CCDC88C: variants seen among roughly 807,000 people sequenced by gnomAD.
CCDC88C encodes the protein protein Daple.
CCDC88C carries 131 observed loss-of-function variants against 198.8 expected under a neutral mutation model. That is an observed-to-expected ratio of 0.66 (90% CI 0.57 to 0.76). The LOEUF (loss-of-function observed/expected upper bound fraction) is 0.76, where lower values mean the gene tolerates loss of function less well. CCDC88C is among the 30% of genes least tolerant of loss of function. CCDC88C has a pLI of 0.00. For missense variants in CCDC88C, 2,553 were observed against 2,631.6 expected, an observed-to-expected ratio of 0.97 and a Z score of 0.65; for synonymous variants, 1,166 against 1,114.7, an observed-to-expected ratio of 1.05 and a Z score of -0.92.
intron 25 of CCDC88C, among the ~76,000 whole-genome samples, chr14:91,283,781 T>G (rs1890295697): frequency 6.6e-6 from 1 of 152,184 alleles, no homozygotes; most frequent in Non-Finnish European, 1.5e-5. Flanking sequence ...CCTGAGAGGC[T>G]GGGAGGAGAC....
At chr14:91,283,783 G>T (rs1440046830) in intron 25 of CCDC88C, among the ~76,000 whole-genome samples, 2 of 152,178 alleles carry the variant, frequency 1.3e-5, no homozygotes, top group Non-Finnish European at 2.9e-5. Context: ...TGAGAGGCTG[G>T]GAGGAGACAA....
chr14:91,403,805 T>C (rs917790461), intron 3 of CCDC88C, among the ~76,000 whole-genome samples: 3 of 152,088 alleles, frequency 2.0e-5, no homozygotes, highest in Non-Finnish European at 4.4e-5. Context: ...TGGTGCCCAC[T>C]GGTGGTCCCA....
At position 91,289,184 on chromosome 14, in the gene CCDC88C, C is replaced by A. The variant is rs1293341657; in HGVS notation, c.4362G>T (p.Gln1454His). The A allele has an allele frequency of 3.7e-6, 6 of 1,613,842 alleles. No individual in the cohort carries two copies. The highest frequency in any genetic ancestry group is 4.2e-6 in the Non-Finnish European group (5 of 1,179,896). The change falls in exon 25 of 30, where the codon CAG becomes CAT. Residue 1454 changes from glutamine (Q) to histidine (H), a missense_variant. Around this residue, in one of 2 missense-constraint regions of CCDC88C, gnomAD observed 1,293 missense variants for 1,219.6 expected, o/e 1.06. Transcript: ENST00000389857. ...GTGCGGGGGTGTCGGGGTTCTCGGC[C>A]TGTGATCTGAGCGGCTGAGAGGCCG... The part of the protein sequence containing the change: ...SPAASQPLRS[Q>H]AENPDTPALG...
chr14:91,299,969 A>G lies in CCDC88C; in HGVS notation c.3737T>C (p.Leu1246Pro). 1 of 1,594,434 alleles carries G rather than the reference A, an allele frequency of 6.3e-7. No individual in the cohort carries two copies. ...CAGCCTCTGGTTCTCGCCCATGGCG[A>G]GGGCGTTTGTCCTCTGCTCCTGCTG... is the stretch of plus-strand genomic sequence containing the variant. ...ALQQEQRTNA[L>P]AMGENQRLRG... The change falls in exon 21 of 30, where the codon CTC becomes CCC. Residue 1246 changes from leucine to proline, a missense_variant. Around this residue, in one of 2 missense-constraint regions of CCDC88C, gnomAD observed 1,293 missense variants for 1,219.6 expected, o/e 1.06. Transcript: ENST00000389857.
chr14:91,365,270 T>A (rs1016484873), intron 3 of CCDC88C, among the ~76,000 whole-genome samples: 3 of 151,374 alleles, frequency 2.0e-5, no homozygotes, highest in Non-Finnish European at 4.4e-5. Flanking sequence ...ACAGAATGAG[T>A]GGCAGGCAGG....
intron 2 of CCDC88C, among the ~76,000 whole-genome samples, chr14:91,415,645 G>C (rs151203115): frequency 6.6e-6 from 1 of 151,984 alleles, no homozygotes; most frequent in Admixed American, 6.6e-5. Context: ...GCTTGAACCC[G>C]GGAGGCGGAG....
chr14:91,344,130 T>G (rs1248488599), intron 4 of CCDC88C, among the ~76,000 whole-genome samples: 3 of 152,200 alleles, frequency 2.0e-5, no homozygotes, highest in Non-Finnish European at 4.4e-5. Flanking sequence ...CTTATTTACT[T>G]TTTAAACCAA....
At chr14:91,397,362 C>A (rs1885907687) in intron 3 of CCDC88C, among the ~76,000 whole-genome samples, 1 of 152,198 alleles carries the variant, frequency 6.6e-6, no homozygotes, top group African/African-American at 2.4e-5. Context: ...GCTCCTGAAA[C>A]AGGAGAAAAG....
intron 3 of CCDC88C, among the ~76,000 whole-genome samples, chr14:91,405,799 C>G (rs776987067): frequency 6.6e-6 from 1 of 152,226 alleles, no homozygotes; most frequent in Non-Finnish European, 1.5e-5. Context: ...AAAAAACACA[C>G]AGCAGAACAC....
intron 4 of CCDC88C, among the ~76,000 whole-genome samples, chr14:91,351,394 GCC>G (rs1893785527): frequency 6.6e-6 from 1 of 152,182 alleles, no homozygotes; most frequent in African/African-American, 2.4e-5. Context: ...GGCTCTGAGG[GCC>G]CTCCTGAGGG....
intron 4 of CCDC88C, among the ~76,000 whole-genome samples, chr14:91,344,673 A>G (rs1182988715): frequency 6.6e-6 from 1 of 150,878 alleles, no homozygotes; most frequent in African/African-American, 2.4e-5. Flanking sequence ...CACCGCGCCC[A>G]GCTAATTTTT....
chr14:91,308,075 AG>A (rs762281306), intron 17 of CCDC88C, among the ~76,000 whole-genome samples: 14 of 152,188 alleles, frequency 9.2e-5, no homozygotes, highest in Non-Finnish European at 1.8e-4. Context: ...AGTTTCATGG[AG>A]GGCTCTCAGG....
In CCDC88C at chr14:91,339,127, A is replaced by T; in HGVS notation, c.809+151T>A. The stretch of plus-strand genomic sequence containing the variant: ...CTCAGAAGGGGAGGCAGCTAGTCCG[A>T]GGTCAAAGAGTAAGCTCAGGGCAGA... On this transcript the variant is annotated intron_variant, in intron 8 of 29. Transcript: ENST00000389857. The surrounding 1 kb of genome is among the most constrained non-coding windows in gnomAD (Gnocchi z 5.8). 1 of 876,948 alleles carries T rather than the reference A, an allele frequency of 1.1e-6. No homozygotes were observed. The highest frequency in any genetic ancestry group is 1.8e-6 in the Non-Finnish European group (1 of 543,642). The allele number at this position is 876,948 out of a possible 1,614,324, so 54.3% of individuals were successfully genotyped here.
chr14:91,293,291 C>T (rs1170677383), intron 23 of CCDC88C, among the ~76,000 whole-genome samples: 1 of 137,518 alleles, frequency 7.3e-6, no homozygotes. Context: ...CCTTCCTGTC[C>T]CCTCACCTGC....
intron 13 of CCDC88C, among the ~76,000 whole-genome samples, chr14:91,318,555 C>A (rs185238475): frequency 1.2e-4 from 19 of 152,296 alleles, no homozygotes; most frequent in Non-Finnish European, 2.6e-4. Context: ...TTCAAAGGGA[C>A]AAGAGTGAGG....
chr14:91,361,425 G>C (rs1455332230), intron 3 of CCDC88C, among the ~76,000 whole-genome samples: 1 of 152,156 alleles, frequency 6.6e-6, no homozygotes, highest in East Asian at 1.9e-4. Context: ...ATTAGAACGG[G>C]GGCCGAGGCC....
chr14:91,281,597 G>T, intron 26 of CCDC88C, 72 bp from the exon 27 acceptor site: 5 of 1,369,832 alleles, frequency 3.7e-6, no homozygotes, highest in Non-Finnish European at 5.2e-6. Context: ...CCGCCACCTC[G>T]CCTGGCACCC....
chr14:91,309,792 A>G (rs1320867590), intron 16 of CCDC88C, 67 bp downstream of exon 16: 12 of 1,527,096 alleles, frequency 7.9e-6, no homozygotes, highest in South Asian at 1.2e-5. Context: ...GGGGAGGGTG[A>G]GGAGCCTGCA....
At chr14:91,411,652 A>G (rs1465430406) in intron 2 of CCDC88C, among the ~76,000 whole-genome samples, 1 of 152,066 alleles carries the variant, frequency 6.6e-6, no homozygotes, top group African/African-American at 2.4e-5. Flanking sequence ...TCCTTTTCAT[A>G]AAAACTTCCA....
Sources: allele counts gnomAD v4.1 joint callset (sites outside exome capture counted in the v4.1 genomes callset), GRCh38; gene constraint gnomAD v4.1.1; regional missense constraint gnomAD v4.1.1; non-coding constraint Gnocchi (gnomAD v3.1); transcripts MANE v1.5; gene names NCBI Gene and HGNC (gene_info 2026-07-23, HGNC 2026-07-21).